Variants in MAF observed in about 807,000 individuals in gnomAD.
The protein encoded by MAF is MAF bZIP transcription factor.
A neutral mutation model predicts 22.0 loss-of-function variants in MAF; 10 were observed. The observed-to-expected ratio is 0.45, with a 90% CI of 0.28 to 0.77. The LOEUF (loss-of-function observed/expected upper bound fraction) is 0.77. Among genes scored for constraint, MAF ranks in the 30% least tolerant of loss-of-function variants. MAF has a pLI of 0.12. For missense variants in MAF, 544 were observed against 548.4 expected (o/e 0.99, Z 0.08); for synonymous variants, 337 against 255.8 (o/e 1.32, Z -3.03).
chr16:79,545,163 A>T, the MAF span, among the ~76,000 whole-genome samples: 2 of 152,142 alleles, frequency 1.3e-5, no homozygotes, highest in African/African-American at 4.8e-5. Flanking sequence ...TCTAAATTAT[A>T]TCCTTAAATA....
chr16:79,353,411 G>C, the MAF span, among the ~76,000 whole-genome samples: 4 of 152,272 alleles, frequency 2.6e-5, no homozygotes, highest in Non-Finnish European at 4.4e-5. Flanking sequence ...TTACAGGCTT[G>C]AGCCACCGTG....
At chr16:79,419,055 C>G in the MAF span, among the ~76,000 whole-genome samples, 1 of 152,214 alleles carries the variant, frequency 6.6e-6, no homozygotes, top group Non-Finnish European at 1.5e-5. Context: ...TAAATGTCAG[C>G]AGTGTTTGCA....
the MAF span, among the ~76,000 whole-genome samples, chr16:79,518,759 T>C: frequency 7.2e-5 from 11 of 152,276 alleles, no homozygotes; most frequent in South Asian, 2.1e-4. Context: ...ACCCCATCTC[T>C]ACTAAAAATA....
chr16:79,567,060 C>T, the MAF span, among the ~76,000 whole-genome samples: 3 of 152,220 alleles, frequency 2.0e-5, no homozygotes, highest in East Asian at 5.8e-4. Flanking sequence ...TGGCTCACGC[C>T]TGTAATGCCA....
At chr16:79,555,773 C>G in the MAF span, among the ~76,000 whole-genome samples, 17 of 152,298 alleles carry the variant, frequency 1.1e-4, no homozygotes, top group South Asian at 3.3e-3. Context: ...CTTCTGATCT[C>G]AAGAATTTGG....
chr16:79,522,264 C>G, the MAF span, among the ~76,000 whole-genome samples: 10,412 of 152,280 alleles, frequency 0.068, 543 homozygotes, highest in Non-Finnish European at 0.091. Context: ...CTCAGCTCCC[C>G]TGGGATAGAA....
At chr16:79,204,688 C>T in the MAF span, 1 of 152,272 alleles carries the variant, frequency 6.6e-6, no homozygotes, top group East Asian at 1.9e-4. Context: ...CCCTTCAATC[C>T]TGCTGATAGC....
In MAF at chr16:79,599,552, G is replaced by C; in HGVS notation, c.351C>G (p.Leu117=). 2 of 1,577,082 alleles carry C rather than the reference G, an allele frequency of 1.3e-6. No individual in the cohort carries two copies. The highest frequency in any genetic ancestry group is 1.2e-5 in the South Asian group (1 of 86,694). ...CCTGGAGCTGGTGGCTGTTGCTGATGAGCGCCTCGACCGCGTCCTCGGGGC... is the reference window on the plus strand; with the variant it reads ...CCTGGAGCTGGTGGCTGTTGCTGATCAGCGCCTCGACCGCGTCCTCGGGGC... ...GFSPEDAVEA[L]ISNSHQLQGG... Residue 117 remains leucine (L), a synonymous_variant, in exon 1 of 2, where the codon CTC becomes CTG. Coordinates refer to ENST00000326043, the MANE Select transcript of MAF (RefSeq NM_005360.5).
the MAF span, among the ~76,000 whole-genome samples, chr16:79,455,424 AC>A: frequency 6.6e-6 from 1 of 152,176 alleles, no homozygotes; most frequent in African/African-American, 2.4e-5. Flanking sequence ...CCTAGTCTAA[AC>A]CCAGTAGACT....
At chr16:79,346,187 C>A in the MAF span, among the ~76,000 whole-genome samples, 1 of 141,900 alleles carries the variant, frequency 7.0e-6, no homozygotes, top group Non-Finnish European at 1.5e-5. Context: ...GCTCCCCCCA[C>A]CCCACTACAG....
chr16:79,537,462 G>C, the MAF span, among the ~76,000 whole-genome samples: 1 of 152,174 alleles, frequency 6.6e-6, no homozygotes, highest in African/African-American at 2.4e-5. Flanking sequence ...AAGGCATTAA[G>C]GTTGAGTGAC....
At chr16:79,314,660 G>C in the MAF span, among the ~76,000 whole-genome samples, 1 of 152,214 alleles carries the variant, frequency 6.6e-6, no homozygotes, top group South Asian at 2.1e-4. Flanking sequence ...ATGCCGGCTG[G>C]TTCCCCTGGA....
the MAF span, among the ~76,000 whole-genome samples, chr16:79,362,711 T>G: frequency 6.6e-6 from 1 of 152,156 alleles, no homozygotes; most frequent in Non-Finnish European, 1.5e-5. Flanking sequence ...ACTGCATACC[T>G]TTACATTCTA....
chr16:79,484,069 T>C, the MAF span, among the ~76,000 whole-genome samples: 55,384 of 152,056 alleles, frequency 0.36, 11,896 homozygotes, highest in Middle Eastern at 0.49. Context: ...CTTTGAGAGC[T>C]TCCTCCCATT....
chr16:79,426,528 C>A, the MAF span, among the ~76,000 whole-genome samples: 1 of 152,182 alleles, frequency 6.6e-6, no homozygotes, highest in Non-Finnish European at 1.5e-5. Flanking sequence ...TAGGATCCAG[C>A]CCTACCACAT....
At chr16:79,547,934 G>GATAGAGAGAGAA in the MAF span, among the ~76,000 whole-genome samples, 1 of 151,150 alleles carries the variant, frequency 6.6e-6, no homozygotes, top group African/African-American at 2.4e-5. Flanking sequence ...GAGAGAGAGA[G>GATAGAGAGAGAA]AGAGAGAGAA....
At chr16:79,430,357 G>A in the MAF span, among the ~76,000 whole-genome samples, 2 of 152,292 alleles carry the variant, frequency 1.3e-5, no homozygotes, top group African/African-American at 2.4e-5. Flanking sequence ...GGGTCTTCCC[G>A]TCAAGACAAC....
At chr16:79,366,501 A>G in the MAF span, among the ~76,000 whole-genome samples, 2 of 152,196 alleles carry the variant, frequency 1.3e-5, 1 homozygote, top group South Asian at 4.1e-4. Flanking sequence ...ATTCTCTCAT[A>G]TATTTAAGAT....
the MAF span, among the ~76,000 whole-genome samples, chr16:79,414,041 T>G: frequency 1.3e-5 from 2 of 152,186 alleles, no homozygotes; most frequent in Non-Finnish European, 2.9e-5. Flanking sequence ...TTCCTGTACC[T>G]TTTAGGTCAC....
Sources: allele counts gnomAD v4.1 joint callset (sites outside exome capture counted in the v4.1 genomes callset), GRCh38; gene constraint gnomAD v4.1.1; transcripts MANE v1.5; gene names NCBI Gene and HGNC (gene_info 2026-07-23, HGNC 2026-07-21).